Variants in RGPD2 observed in about 807,000 individuals in gnomAD.
RGPD2 encodes the protein RANBP2-like and GRIP domain-containing protein 2.
In RGPD2, 2 loss-of-function variants were observed where a neutral mutation model predicts 36.0. The ratio of observed to expected loss-of-function variants is 0.06; its 90% CI spans 0.02 to 0.17. The LOEUF is 0.17. RGPD2 is among the 10% of genes least tolerant of loss of function. The probability of loss-of-function intolerance (pLI) is 1.00; values close to 1 mark genes in which losing one functional copy is unlikely to be tolerated. For synonymous variants in RGPD2, 19 were observed against 163.8 expected (o/e 0.12, Z 6.75); for missense variants, 40 against 464.3 (o/e 0.09, Z 8.40).
At chr2:87,879,071 T>A in the RGPD2 span, among the ~76,000 whole-genome samples, 1 of 152,246 alleles carries the variant, frequency 6.6e-6, no homozygotes, top group Non-Finnish European at 1.5e-5. Context: ...GCCATACCGA[T>A]TTTATTTCCT....
the RGPD2 span, among the ~76,000 whole-genome samples, chr2:87,962,308 G>A: frequency 1.3e-5 from 2 of 152,044 alleles, no homozygotes; most frequent in Non-Finnish European, 2.9e-5. Flanking sequence ...AATATCAAAT[G>A]CGTTGATATT....
At chr2:87,974,955 C>T in the RGPD2 span, among the ~76,000 whole-genome samples, 1 of 152,076 alleles carries the variant, frequency 6.6e-6, no homozygotes, top group African/African-American at 2.4e-5. Context: ...TCTGTTTAAT[C>T]CCCCATTAGC....
chr2:87,869,684 T>A, the RGPD2 span, among the ~76,000 whole-genome samples: 2 of 152,042 alleles, frequency 1.3e-5, no homozygotes, highest in Non-Finnish European at 2.9e-5. Context: ...ATCAAACAAT[T>A]CCTGGATTAG....
chr2:87,881,506 A>G, the RGPD2 span, among the ~76,000 whole-genome samples: 1 of 151,300 alleles, frequency 6.6e-6, no homozygotes, highest in African/African-American at 2.4e-5. Flanking sequence ...GTGCACCTGC[A>G]AGATTAACAT....
At chr2:87,771,212 A>G (rs1334510370) in intron 22 of RGPD2, among the ~76,000 whole-genome samples, 2 of 788 alleles carry the variant, frequency 2.5e-3, no homozygotes, top group Non-Finnish European at 3.9e-3. Context: ...GTGCTTGTAA[A>G]TGTCAAAAAT....
the RGPD2 span, among the ~76,000 whole-genome samples, chr2:87,873,819 A>G: frequency 6.8e-6 from 1 of 147,588 alleles, no homozygotes; most frequent in Admixed American, 6.7e-5. Context: ...TGAGGACAGC[A>G]TGGAAAAAAA....
chr2:87,929,001 T>C, the RGPD2 span, among the ~76,000 whole-genome samples: 1 of 151,868 alleles, frequency 6.6e-6, no homozygotes, highest in Non-Finnish European at 1.5e-5. Flanking sequence ...CTGTAGGTTG[T>C]CGGGTTACTC....
At chr2:87,985,665 C>G in the RGPD2 span, 2 of 1,374,156 alleles carry the variant, frequency 1.5e-6, no homozygotes, top group Admixed American at 3.6e-5. Context: ...TGTTATATTA[C>G]CAATTATGCA....
chr2:87,919,946 A>T, the RGPD2 span, among the ~76,000 whole-genome samples: 3 of 152,040 alleles, frequency 2.0e-5, no homozygotes, highest in Non-Finnish European at 2.9e-5. Context: ...CTTAATGATC[A>T]GATATGTAAT....
chr2:87,971,771 A>T, the RGPD2 span, among the ~76,000 whole-genome samples: 1 of 152,188 alleles, frequency 6.6e-6, no homozygotes, highest in Non-Finnish European at 1.5e-5. Context: ...TAATAATGTT[A>T]AGCTAGAACT....
the RGPD2 span, among the ~76,000 whole-genome samples, chr2:87,951,458 A>C: frequency 3.9e-5 from 6 of 152,180 alleles, no homozygotes; most frequent in Admixed American, 3.3e-4. Context: ...CAGCTTGAGT[A>C]AGAGATGGAA....
At chr2:87,848,945 C>T in the RGPD2 span, among the ~76,000 whole-genome samples, 3 of 149,780 alleles carry the variant, frequency 2.0e-5, no homozygotes, top group South Asian at 2.1e-4. Flanking sequence ...TCCTAGGATA[C>T]TTTCTCAGAG....
chr2:87,971,692 ATTAT>A, the RGPD2 span, among the ~76,000 whole-genome samples: 12 of 151,710 alleles, frequency 7.9e-5, no homozygotes, highest in South Asian at 2.1e-4. Context: ...TTGGAACTTG[ATTAT>A]TTATTTATTT....
the RGPD2 span, among the ~76,000 whole-genome samples, chr2:87,986,791 A>C: frequency 6.6e-6 from 1 of 151,516 alleles, no homozygotes; most frequent in Admixed American, 6.6e-5. Flanking sequence ...GAGGCAGGAG[A>C]ATCACCTGAA....
the RGPD2 span, among the ~76,000 whole-genome samples, chr2:87,934,662 TAG>T: frequency 6.6e-6 from 1 of 151,112 alleles, no homozygotes; most frequent in Non-Finnish European, 1.5e-5. Flanking sequence ...TATATATTTC[TAG>T]ACTTTGAATT....
At chr2:87,869,871 G>A in the RGPD2 span, among the ~76,000 whole-genome samples, 8 of 152,184 alleles carry the variant, frequency 5.3e-5, no homozygotes, top group Non-Finnish European at 5.9e-5. Flanking sequence ...GATCATTCCC[G>A]TCTTCTAAAA....
At chr2:87,837,333 C>T in the RGPD2 span, among the ~76,000 whole-genome samples, 5 of 151,864 alleles carry the variant, frequency 3.3e-5, no homozygotes, top group Middle Eastern at 3.4e-3. Flanking sequence ...AAGCAATTCT[C>T]GACAAATTCA....
At chr2:87,883,327 A>G in the RGPD2 span, among the ~76,000 whole-genome samples, 1 of 152,098 alleles carries the variant, frequency 6.6e-6, no homozygotes, top group African/African-American at 2.4e-5. Context: ...ACAAAAGAAT[A>G]AAAAAGATAT....
At chr2:87,763,101 C>T (rs1336477076) in intron 22 of RGPD2, among the ~76,000 whole-genome samples, 2 of 52,796 alleles carry the variant, frequency 3.8e-5, no homozygotes, top group Admixed American at 2.2e-4. Flanking sequence ...AAGCAGTATA[C>T]GATTGAAATG....
Sources: allele counts gnomAD v4.1 joint callset (sites outside exome capture counted in the v4.1 genomes callset), GRCh38; gene constraint gnomAD v4.1.1; transcripts MANE v1.5; gene names NCBI Gene and HGNC (gene_info 2026-07-23, HGNC 2026-07-21).